The following ENKD1 variants were observed in gnomAD, a reference collection of about 807,000 sequenced individuals.
ENKD1 encodes the protein enkurin domain-containing protein 1.
In ENKD1, 39 loss-of-function variants were observed where a neutral mutation model predicts 35.8. The ratio of observed to expected loss-of-function variants is 1.09; its 90% CI spans 0.84 to 1.42. ENKD1 has a LOEUF of 1.42. ENKD1 is among the 40% of genes most tolerant of loss of function. The pLI is 0.00. For synonymous variants in ENKD1, 205 were observed against 198.6 expected (o/e 1.03, Z -0.27); for missense variants, 474 against 471.3 (o/e 1.01, Z -0.05).
Position 67,663,096 on chromosome 16 carries a change from C to A in ENKD1, c.*65G>T. 1 of 1,590,540 alleles carries A rather than the reference C, an allele frequency of 6.3e-7. No individual in the cohort carries two copies. Among genetic ancestry groups the A allele is most frequent in the East Asian group, 2.2e-5 (1 of 44,518 alleles). On this transcript the variant is annotated 3_prime_UTR_variant, in exon 7 of 7. Transcript: ENST00000243878. Reference sequence around the variant, plus strand: ...CTCTGCTCTGGGATTGGGTCCAACCCTGTCCTTTGCAGCCATGTGGCGATC... The same window carrying A: ...CTCTGCTCTGGGATTGGGTCCAACCATGTCCTTTGCAGCCATGTGGCGATC...
At position 67,663,927 on chromosome 16, in the gene ENKD1, A is replaced by T; in HGVS notation, c.579+10T>A. On this transcript the variant is annotated intron_variant, in intron 4 of 6. Transcript: ENST00000243878. ...CCCAACCACCATCTAGCCCCCATACATCCTCTCACCTTAGCTTCGGGACCT... is the reference window on the plus strand; with the variant it reads ...CCCAACCACCATCTAGCCCCCATACTTCCTCTCACCTTAGCTTCGGGACCT... 1.2e-6 allele frequency: 2 copies of T among 1,607,502 alleles called. No individual in the cohort carries two copies. Among genetic ancestry groups the T allele is most frequent in the Admixed American group, 1.7e-5 (1 of 59,342 alleles).
intron 3 of ENKD1, 47 bp downstream of exon 3, chr16:67,664,947 CTG>C: frequency 6.4e-7 from 1 of 1,551,710 alleles, no homozygotes; most frequent in Non-Finnish European, 8.7e-7. Flanking sequence ...GTACAGTTGC[CTG>C]TTGGCCAACA....
In ENKD1 at chr16:67,666,584, C is replaced by T; in HGVS notation, c.-142G>A. The T allele has an allele frequency of 2.7e-6, 2 of 748,612 alleles. No homozygotes were observed. The highest frequency in any genetic ancestry group is 3.9e-6 in the Non-Finnish European group (2 of 507,460). 46.4% of individuals were successfully genotyped at this position (748,612 alleles called of 1,614,324 possible). On this transcript the variant is annotated 5_prime_UTR_variant, in exon 1 of 7. Transcript: ENST00000243878. ...GTGCCCGCCACTCCCGGGCCCCTGC[C>T]GGTCCCCGCCTGGGCCCCGGCCTCG... is the stretch of plus-strand genomic sequence containing the variant.
In ENKD1 at chr16:67,663,211, C is replaced by G. The variant is rs771126954; in HGVS notation, c.991G>C (p.Ala331Pro). Reference protein sequence around the residue: ...LDRKLVQVEEAIKIFSRPKVF... With the variant: ...LDRKLVQVEEPIKIFSRPKVF... Reference sequence around the variant, plus strand: ...TTGGGCCGAGAAAAGATCTTGATGGCCTCCTCTACCTGCACCAGCTTCCGG... The same window carrying G: ...TTGGGCCGAGAAAAGATCTTGATGGGCTCCTCTACCTGCACCAGCTTCCGG... Residue 331 changes from alanine (A) to proline (P), a missense_variant, in exon 7 of 7, where the codon GCC becomes CCC. Ala to Pro is a conservative substitution (Grantham distance 27, BLOSUM62 -1). Transcript: ENST00000243878. 1 of 1,613,918 alleles carries G rather than the reference C, an allele frequency of 6.2e-7. No homozygotes were observed. The highest frequency in any genetic ancestry group is 8.5e-7 in the Non-Finnish European group (1 of 1,180,034).
At chr16:67,666,293 G>C (rs1428788786) in intron 1 of ENKD1, 28 bp from the exon 2 acceptor site, 5 of 1,600,086 alleles carry the variant, frequency 3.1e-6, no homozygotes, top group Admixed American at 3.4e-5. Flanking sequence ...GCGGAGTCCG[G>C]GGCTCAGAGG....
At chr16:67,663,398 G>T (rs780440789) in intron 6 of ENKD1, 22 bp downstream of exon 6, 7 of 1,611,860 alleles carry the variant, frequency 4.3e-6, no homozygotes, top group Non-Finnish European at 5.1e-6. Flanking sequence ...CCCCCCTCCA[G>T]CCTCCCTGCC....
At position 67,666,428 on chromosome 16, in the gene ENKD1, C is replaced by T. The variant is rs1039196609; in HGVS notation, c.15G>A (p.Pro5=). Residue 5 remains proline, a synonymous_variant, in exon 1 of 7, where the codon CCG becomes CCA. Transcript: ENST00000243878. MCEG[P]SRISGPIPPD... Reference sequence around the variant, plus strand: ...GGGGGATGGGCCCCGAGATGCGGGACGGGCCCTCGCACATGCCGCCGGCGC... The same window carrying T: ...GGGGGATGGGCCCCGAGATGCGGGATGGGCCCTCGCACATGCCGCCGGCGC... 6.5e-7 allele frequency: 1 copy of T among 1,535,690 alleles called. No homozygotes were observed. The highest frequency in any genetic ancestry group is 2.0e-5 in the Admixed American group (1 of 50,976).
intron 2 of ENKD1, among the ~76,000 whole-genome samples, chr16:67,665,439 G>A (rs2053088572): frequency 6.6e-6 from 1 of 152,104 alleles, no homozygotes; most frequent in African/African-American, 2.4e-5. Flanking sequence ...ACAGTGGCAT[G>A]ATCATAGCTC....
rs375262016 is a variant in ENKD1 at position 67,666,100 on chromosome 16, A to G, written c.251T>C (p.Ile84Thr). 3.1e-6 allele frequency: 5 copies of G among 1,612,698 alleles called. No individual in the cohort carries two copies. Among genetic ancestry groups the G allele is most frequent in the Non-Finnish European group, 4.2e-6 (5 of 1,179,954 alleles). Reference sequence around the variant, plus strand: ...GAGAGAGGCCCCAGGACCTAGGGAGATCCCCTCGAGTTGCAACAGCACGTC... The same window carrying G: ...GAGAGAGGCCCCAGGACCTAGGGAGGTCCCCTCGAGTTGCAACAGCACGTC... ...VGDVLLQLEGISLGPGASLKR... is the reference protein window; with the variant it reads ...VGDVLLQLEGTSLGPGASLKR... Residue 84 changes from isoleucine to threonine, a missense_variant, in exon 2 of 7, where the codon ATC becomes ACC. Ile to Thr is a moderately conservative substitution (Grantham distance 89, BLOSUM62 -1). Coordinates refer to ENST00000243878, the MANE Select transcript of ENKD1 (RefSeq NM_032140.3).
rs1472054798 is a variant in ENKD1 at position 67,665,021 on chromosome 16, TC to T, written c.427del (p.Glu143SerfsTer85). ...LWRSPKYDKV[E>X]SRVKAQLQEP... ...CTGGAGCTGGGCCTTGACCCGGGAC[TC>T]CACCTTGTCGTACTTGGGTGAGCGC... On this transcript the variant is annotated frameshift_variant, in exon 3 of 7. Transcript: ENST00000243878. LOFTEE classifies it high-confidence loss of function. 6.2e-7 allele frequency: 1 copy of T among 1,608,956 alleles called. No individual in the cohort carries two copies. The highest frequency in any genetic ancestry group is 1.1e-5 in the South Asian group (1 of 90,440).
chr16:67,663,392 C>A, intron 6 of ENKD1, 28 bp downstream of exon 6: 1 of 1,611,788 alleles, frequency 6.2e-7, no homozygotes, highest in Non-Finnish European at 8.5e-7. Context: ...GTGGGGCCCC[C>A]CTCCAGCCTC....
At position 67,665,128 on chromosome 16, in the gene ENKD1, C is replaced by A; in HGVS notation, c.321G>T (p.Arg107=). ...PKDHEKENLR[R]IREIQKRFRE... is the part of the protein sequence containing the mutation. ...TGAAGCGCTTCTGAATCTCCCTGAT[C>A]CGCCTCAGGTTCTCCTTCTCATGGT... is the stretch of plus-strand genomic sequence containing the variant. Residue 107 remains arginine (R), a synonymous_variant, in exon 3 of 7, where the codon CGG becomes CGT. Transcript: ENST00000243878. 1 of 1,613,908 alleles carries A rather than the reference C, an allele frequency of 6.2e-7. No homozygotes were observed. The highest frequency in any genetic ancestry group is 8.5e-7 in the Non-Finnish European group (1 of 1,179,972).
Position 67,663,292 on chromosome 16 carries a change from G to T in ENKD1, c.910C>A (p.Leu304Met). The change falls in exon 7 of 7, where the codon CTG becomes ATG. Residue 304 changes from leucine to methionine, a missense_variant. Transcript: ENST00000243878. The stretch of plus-strand genomic sequence containing the variant: ...AGTGAGTCTGCCCCAGCAGGCAGCA[G>T]TACCAGCTCACGCAGCAGCTGGCTC... Reference protein sequence around the residue: ...SQSQLLRELVLLPAGADSLRA... With the variant: ...SQSQLLRELVMLPAGADSLRA... The T allele has an allele frequency of 6.2e-7, 1 of 1,613,738 alleles. No homozygotes were observed. Among genetic ancestry groups the T allele is most frequent in the Non-Finnish European group, 8.5e-7 (1 of 1,180,038 alleles).
Position 67,666,070 on chromosome 16 carries a change from C to G in ENKD1, c.280+1G>C. 6.2e-7 allele frequency: 1 copy of G among 1,612,396 alleles called. No individual in the cohort carries two copies. The highest frequency in any genetic ancestry group is 8.5e-7 in the Non-Finnish European group (1 of 1,179,764). On this transcript the variant is annotated splice_donor_variant, in intron 2 of 6. Coordinates refer to ENST00000243878, the MANE Select transcript of ENKD1 (RefSeq NM_032140.3). LOFTEE classifies it high-confidence loss of function. ...TCCCTTCTTCCATTCCTGGGACTTA[C>G]TCTTGAGAGAGGCCCCAGGACCTAG...
rs1415126913 is a variant in ENKD1, at chr16:67,663,327, G to C, written c.881-6C>G. 1 of 1,613,306 alleles carries C rather than the reference G, an allele frequency of 6.2e-7. No individual in the cohort carries two copies. Among genetic ancestry groups the C allele is most frequent in the Admixed American group, 1.7e-5 (1 of 60,028 alleles). On this transcript the variant is annotated splice_region_variant and splice_polypyrimidine_tract_variant and intron_variant, in intron 6 of 6. Coordinates refer to ENST00000243878, the MANE Select transcript of ENKD1 (RefSeq NM_032140.3). ...ACGCAGCAGCTGGCTCTGGCCTACA[G>C]GGGGCCCGGGAACAGTGAGAACAGT...
At chr16:67,665,988 G>A (rs1231464704) in intron 2 of ENKD1, 83 bp downstream of exon 2, 4 of 1,456,842 alleles carry the variant, frequency 2.7e-6, no homozygotes, top group Admixed American at 4.0e-5. Context: ...CTGGGCCCAC[G>A]TCAGGGTGGA....
rs1370547035 is a variant in ENKD1 at position 67,665,017 on chromosome 16, G to A, written c.432C>T (p.Ser144=). The change falls in exon 3 of 7, where the codon TCC becomes TCT. Residue 144 remains serine (S), a synonymous_variant. Coordinates refer to ENST00000243878, the MANE Select transcript of ENKD1 (RefSeq NM_032140.3). The stretch of plus-strand genomic sequence containing the variant: ...GTACCTGGAGCTGGGCCTTGACCCG[G>A]GACTCCACCTTGTCGTACTTGGGTG... The part of the protein sequence containing the change: ...WRSPKYDKVE[S]RVKAQLQEPG... 1.9e-6 allele frequency: 3 copies of A among 1,608,108 alleles called. No individual in the cohort carries two copies. Among genetic ancestry groups the A allele is most frequent in the South Asian group, 2.2e-5 (2 of 90,366 alleles).
In ENKD1 at chr16:67,663,951, C is replaced by T. The variant is rs549040365; in HGVS notation, c.565G>A (p.Gly189Ser). 3 of 1,605,080 alleles carry T rather than the reference C, an allele frequency of 1.9e-6. No homozygotes were observed. In the East Asian group the frequency reaches 6.7e-5, roughly 36 times the overall value. Residue 189 changes from glycine to serine, a missense_variant, in exon 4 of 7, where the codon GGT (glycine) becomes AGT (serine). Transcript: ENST00000243878. ...CATCCTCTCACCTTAGCTTCGGGAC[C>T]TGGTGGGGTTGGCTGGGGACTAGAT... is the stretch of plus-strand genomic sequence containing the variant. ...HVSSPQPTPPGPEAKEPGLGV... is the reference protein window; with the variant it reads ...HVSSPQPTPPSPEAKEPGLGV...
chr16:67,663,082 G>T lies in ENKD1; in HGVS notation c.*79C>A. On this transcript the variant is annotated 3_prime_UTR_variant, in exon 7 of 7. Coordinates refer to ENST00000243878, the MANE Select transcript of ENKD1 (RefSeq NM_032140.3). ...TCCTGTCTTCAGACCTCTGCTCTGG[G>T]ATTGGGTCCAACCCTGTCCTTTGCA... 6.5e-7 allele frequency: 1 copy of T among 1,549,238 alleles called. No individual in the cohort carries two copies. Among genetic ancestry groups the T allele is most frequent in the Non-Finnish European group, 8.8e-7 (1 of 1,140,902 alleles).
Sources: gnomAD v4.1 joint callset for allele counts (sites outside exome capture counted in the v4.1 genomes callset) on GRCh38, gnomAD v4.1.1 for gene constraint, MANE v1.5 for transcripts, NCBI Gene and HGNC (gene_info 2026-07-23, HGNC 2026-07-21) for gene names.